Variants in NXPH2 observed in about 807,000 individuals in gnomAD.
NXPH2 encodes neurexophilin 2, also known as neurexophilin-2.
A neutral mutation model predicts 19.8 loss-of-function variants in NXPH2; 5 were observed. The ratio of observed to expected loss-of-function variants is 0.25; its 90% confidence interval spans 0.13 to 0.53. The LOEUF (loss-of-function observed/expected upper bound fraction) is 0.53. Among genes scored for constraint, NXPH2 ranks in the 20% least tolerant of loss-of-function variants. The pLI, the probability that NXPH2 is intolerant of heterozygous loss-of-function variation, is 0.96. For synonymous variants in NXPH2, 154 were observed against 127.4 expected (o/e 1.21, Z -1.41); for missense variants, 289 against 322.8 (o/e 0.90, Z 0.80).
intron 1 of NXPH2, among the ~76,000 whole-genome samples, chr2:138,700,851 T>C (rs1680910881): frequency 6.6e-6 from 1 of 152,048 alleles, no homozygotes; most frequent in Admixed American, 6.6e-5. Flanking sequence ...TATCGGTGGT[T>C]GAACCACAGT....
intron 1 of NXPH2, among the ~76,000 whole-genome samples, chr2:138,749,280 T>C (rs1257166895): frequency 1.3e-5 from 2 of 152,202 alleles, no homozygotes; most frequent in African/African-American, 4.8e-5. Context: ...GTAAGTTTCC[T>C]GAGGCCTCTC....
chr2:138,703,162 T>C (rs940248027), intron 1 of NXPH2, among the ~76,000 whole-genome samples: 3 of 152,182 alleles, frequency 2.0e-5, no homozygotes, highest in East Asian at 1.9e-4. Context: ...ATTTAGCTAA[T>C]TGAGTAAAAC....
intron 1 of NXPH2, among the ~76,000 whole-genome samples, chr2:138,730,528 G>A (rs902715201): frequency 6.6e-6 from 1 of 152,132 alleles, no homozygotes; most frequent in Non-Finnish European, 1.5e-5. Context: ...GAGGCCCTGA[G>A]CTGCTTGATA....
intron 1 of NXPH2, among the ~76,000 whole-genome samples, chr2:138,742,607 G>A (rs1003734235): frequency 9.2e-5 from 14 of 152,180 alleles, no homozygotes; most frequent in Non-Finnish European, 4.4e-5. Flanking sequence ...AGTGACAGGT[G>A]TACAGGACAC....
chr2:138,694,303 C>T (rs934149027), intron 1 of NXPH2, among the ~76,000 whole-genome samples: 1 of 152,146 alleles, frequency 6.6e-6, no homozygotes, highest in East Asian at 1.9e-4. Flanking sequence ...TCAACAAATC[C>T]TAACCCCGGG....
At chr2:138,692,623 A>G (rs930846320) in intron 1 of NXPH2, among the ~76,000 whole-genome samples, 3 of 152,172 alleles carry the variant, frequency 2.0e-5, no homozygotes, top group African/African-American at 7.2e-5. Flanking sequence ...AATAATTGTT[A>G]GTTTTAATTT....
intron 1 of NXPH2, among the ~76,000 whole-genome samples, chr2:138,778,823 T>C (rs947407350): frequency 2.6e-5 from 4 of 152,212 alleles, no homozygotes; most frequent in African/African-American, 9.6e-5. Flanking sequence ...CATGGAGTAT[T>C]GTAGATAGCC....
intron 1 of NXPH2, among the ~76,000 whole-genome samples, chr2:138,773,339 G>A (rs1181607183): frequency 3.3e-5 from 5 of 152,096 alleles, no homozygotes; most frequent in East Asian, 1.9e-4. Context: ...AATCCCAATC[G>A]TCTCCTGTTT....
chr2:138,767,317 A>T (rs1233749203), intron 1 of NXPH2, among the ~76,000 whole-genome samples: 1 of 152,230 alleles, frequency 6.6e-6, no homozygotes, highest in Non-Finnish European at 1.5e-5. Flanking sequence ...ACTGAGTCAC[A>T]CTCAGACTGG....
intron 1 of NXPH2, among the ~76,000 whole-genome samples, chr2:138,734,282 G>T (rs1324806470): frequency 6.6e-6 from 1 of 152,074 alleles, no homozygotes; most frequent in Non-Finnish European, 1.5e-5. Context: ...GGCTGTAAAG[G>T]GCAGGTCTAG....
chr2:138,717,456 T>C lies in NXPH2; in HGVS notation c.52-45791A>G, dbSNP rs1200173358. 3.3e-5 allele frequency among the ~76,000 whole-genome samples: 5 copies of C among 151,508 alleles called. No individual in the cohort carries two copies. The South Asian group carries it at 1.0e-3, about 32-fold the overall frequency. ...TCAAAGTGCCAGCCGATTTGGTATC[T>C]AGTAAGTGCCTGTTTTCTGGTTCAC... On this transcript the variant is annotated intron_variant, in intron 1 of 1. Transcript: ENST00000272641.
At chr2:138,698,985 T>C (rs1435418078) in intron 1 of NXPH2, among the ~76,000 whole-genome samples, 3 of 152,202 alleles carry the variant, frequency 2.0e-5, no homozygotes, top group Non-Finnish European at 4.4e-5. Context: ...TTAACAAATT[T>C]AGTTTTGTAT....
intron 1 of NXPH2, among the ~76,000 whole-genome samples, chr2:138,774,409 T>C (rs1682227320): frequency 6.6e-6 from 1 of 152,214 alleles, no homozygotes; most frequent in Non-Finnish European, 1.5e-5. Flanking sequence ...ATACATCACT[T>C]GTGATGTGGT....
At chr2:138,780,169 G>A (rs747660328) in intron 1 of NXPH2, 22 bp downstream of exon 1, 18 of 1,482,490 alleles carry the variant, frequency 1.2e-5, no homozygotes, top group Non-Finnish European at 1.6e-5. Context: ...CGTGTGGGAC[G>A]GCGCGCGGGC....
intron 1 of NXPH2, among the ~76,000 whole-genome samples, chr2:138,750,771 A>G (rs1437557592): frequency 6.6e-6 from 1 of 152,188 alleles, no homozygotes; most frequent in Non-Finnish European, 1.5e-5. Context: ...TCAAGACAAC[A>G]ACAACAACCA....
intron 1 of NXPH2, among the ~76,000 whole-genome samples, chr2:138,767,243 A>G (rs1238389991): frequency 6.6e-6 from 1 of 152,246 alleles, no homozygotes; most frequent in African/African-American, 2.4e-5. Flanking sequence ...GGAACCCCCT[A>G]TAGAGTCACA....
intron 1 of NXPH2, among the ~76,000 whole-genome samples, chr2:138,778,226 T>C (rs1040745339): frequency 3.9e-5 from 6 of 152,242 alleles, no homozygotes; most frequent in African/African-American, 1.4e-4. Context: ...GTAAGGAATG[T>C]GTGCTTATCA....
In NXPH2 at chr2:138,780,304, C is replaced by G; in HGVS notation, c.-63G>C. 7.5e-7 allele frequency: 1 copy of G among 1,332,316 alleles called. No homozygotes were observed. The highest frequency in any genetic ancestry group is 9.7e-7 in the Non-Finnish European group (1 of 1,029,092). 82.5% of individuals were successfully genotyped at this position (1,332,316 alleles called of 1,614,324 possible). A position where few individuals can be genotyped will look rare whatever the true frequency, so the allele number is the denominator to read the frequency against. On this transcript the variant is annotated 5_prime_UTR_variant, in exon 1 of 2. Coordinates refer to ENST00000272641, the MANE Select transcript of NXPH2 (RefSeq NM_007226.3). ...CTCGCCTGCCTCTCGCGCATCTCCA[C>G]TTCGCGGGGCAGGACTGAGGACGCC...
chr2:138,682,664 C>T (rs529472384), intron 1 of NXPH2, among the ~76,000 whole-genome samples: 46 of 152,096 alleles, frequency 3.0e-4, no homozygotes, highest in Non-Finnish European at 4.4e-4. Flanking sequence ...CTACCCTTTA[C>T]GTTATTCTAA....
Sources: allele counts gnomAD v4.1 joint callset (sites outside exome capture counted in the v4.1 genomes callset), GRCh38; gene constraint gnomAD v4.1.1; transcripts MANE v1.5; gene names NCBI Gene and HGNC (gene_info 2026-07-23, HGNC 2026-07-21).